The following STK33 variants were observed in gnomAD, a reference collection of about 807,000 sequenced individuals.
STK33 encodes serine/threonine kinase 33, also known as serine/threonine-protein kinase 33.
Under a neutral mutation model 58.0 loss-of-function variants are expected in STK33, and 52 were observed. The observed-to-expected ratio is 0.90, with a 90% confidence interval of 0.72 to 1.13. STK33 has a LOEUF of 1.13. Among genes scored for constraint, STK33 ranks in the 50% most tolerant of loss-of-function variants. The pLI, the probability that STK33 is intolerant of heterozygous loss-of-function variation, is 0.00. For missense variants in STK33, 630 were observed against 604.2 expected (o/e 1.04, Z -0.45); for synonymous variants, 215 against 200.1 (o/e 1.07, Z -0.63).
chr11:8,367,304 G>C, the STK33 span, among the ~76,000 whole-genome samples: 1 of 152,244 alleles, frequency 6.6e-6, no homozygotes, highest in African/African-American at 2.4e-5. Flanking sequence ...TATCCATGCA[G>C]ATTGTGAGTG....
At chr11:8,443,304 T>C (rs1222239001) in intron 11 of STK33, among the ~76,000 whole-genome samples, 1 of 152,142 alleles carries the variant, frequency 6.6e-6, no homozygotes, top group Non-Finnish European at 1.5e-5. Flanking sequence ...CAGGTATACA[T>C]ACATATTTTT....
chr11:8,446,802 T>C (rs544544759), intron 11 of STK33, among the ~76,000 whole-genome samples: 2 of 152,244 alleles, frequency 1.3e-5, no homozygotes, highest in Non-Finnish European at 2.9e-5. Flanking sequence ...CCTTACACCT[T>C]ATACAAAAAT....
At chr11:8,553,219 ATATATG>A (rs1956478052) in intron 1 of STK33, among the ~76,000 whole-genome samples, 7 of 108,820 alleles carry the variant, frequency 6.4e-5, no homozygotes, top group East Asian at 2.7e-4. Context: ...ATATATATAT[ATATATG>A]GTGTGTATAT....
At chr11:8,570,966 C>CTT (rs1957769520) in intron 1 of STK33, among the ~76,000 whole-genome samples, 1 of 152,130 alleles carries the variant, frequency 6.6e-6, no homozygotes, top group Non-Finnish European at 1.5e-5. Flanking sequence ...ACCCTTCTGC[C>CTT]ATAAACTGCT....
chr11:8,458,755 A>G (rs1947174808), intron 8 of STK33, among the ~76,000 whole-genome samples: 2 of 152,222 alleles, frequency 1.3e-5, no homozygotes, highest in Admixed American at 1.3e-4. Flanking sequence ...ACATATTTCT[A>G]TTCAAACACA....
intron 11 of STK33, among the ~76,000 whole-genome samples, chr11:8,450,435 T>C (rs1253913547): frequency 1.3e-5 from 2 of 152,018 alleles, no homozygotes; most frequent in Non-Finnish European, 2.9e-5. Flanking sequence ...AGGGATAGCA[T>C]TAGGAGAAAT....
chr11:8,481,823 G>C (rs796303995), intron 1 of STK33, among the ~76,000 whole-genome samples: 2 of 152,088 alleles, frequency 1.3e-5, no homozygotes, highest in Non-Finnish European at 2.9e-5. Context: ...ATTTATTTTG[G>C]TGATGGACCA....
intron 1 of STK33, among the ~76,000 whole-genome samples, chr11:8,576,231 G>C (rs1958174408): frequency 6.6e-6 from 1 of 152,180 alleles, no homozygotes; most frequent in African/African-American, 2.4e-5. Flanking sequence ...CTGCACCCAT[G>C]TCTGGGAAAT....
At chr11:8,445,811 T>G (rs1945373990) in intron 11 of STK33, among the ~76,000 whole-genome samples, 1 of 152,244 alleles carries the variant, frequency 6.6e-6, no homozygotes, top group Non-Finnish European at 1.5e-5. Flanking sequence ...TTCACATCGC[T>G]GTTCATCAGG....
chr11:8,497,770 C>G (rs1230404789), intron 1 of STK33, among the ~76,000 whole-genome samples: 3 of 152,066 alleles, frequency 2.0e-5, no homozygotes, highest in Non-Finnish European at 2.9e-5. Context: ...CCAATATATT[C>G]AAAGTTCTGA....
intron 11 of STK33, among the ~76,000 whole-genome samples, chr11:8,443,868 C>T (rs1945074732): frequency 6.6e-6 from 1 of 152,074 alleles, no homozygotes; most frequent in Non-Finnish European, 1.5e-5. Flanking sequence ...GGAATGATGG[C>T]ACATGCCTGT....
At chr11:8,551,409 C>T (rs1343541540) in intron 1 of STK33, among the ~76,000 whole-genome samples, 1 of 152,170 alleles carries the variant, frequency 6.6e-6, no homozygotes, top group Non-Finnish European at 1.5e-5. Context: ...GGATTACAGG[C>T]ATGAGCCACC....
chr11:8,467,899 C>T (rs564547197), intron 6 of STK33, among the ~76,000 whole-genome samples: 9 of 151,964 alleles, frequency 5.9e-5, no homozygotes, highest in South Asian at 2.1e-4. Context: ...GAGCTGAGAT[C>T]GCACCACTGC....
At chr11:8,477,782 T>G (rs1465685311) in intron 2 of STK33, among the ~76,000 whole-genome samples, 1 of 152,206 alleles carries the variant, frequency 6.6e-6, no homozygotes, top group Admixed American at 6.5e-5. Context: ...TGTCACAGAC[T>G]TCTGAGTACT....
the STK33 span, among the ~76,000 whole-genome samples, chr11:8,364,937 C>G: frequency 9.2e-5 from 14 of 151,708 alleles, no homozygotes; most frequent in Admixed American, 1.3e-4. Flanking sequence ...TGACCCCCCC[C>G]GCCCCGCCCA....
chr11:8,414,757 C>T (rs747661365), intron 14 of STK33, among the ~76,000 whole-genome samples: 1 of 152,138 alleles, frequency 6.6e-6, no homozygotes, highest in Non-Finnish European at 1.5e-5. Context: ...ACTCCTACCA[C>T]GTTCATAACA....
chr11:8,507,872 CTTTGT>C (rs1264466411), intron 1 of STK33, among the ~76,000 whole-genome samples: 3 of 152,074 alleles, frequency 2.0e-5, no homozygotes, highest in Admixed American at 1.3e-4. Flanking sequence ...CTTGTTTTTA[CTTTGT>C]TTTGTTTTGT....
intron 15 of STK33, among the ~76,000 whole-genome samples, chr11:8,411,131 A>G (rs1175204338): frequency 6.6e-6 from 1 of 152,256 alleles, no homozygotes; most frequent in Non-Finnish European, 1.5e-5. Flanking sequence ...AAGTCTATCC[A>G]GTAAAGCTGA....
intron 6 of STK33, chr11:8,465,659 G>T (rs1268157341): frequency 1.3e-5 from 2 of 152,230 alleles, no homozygotes; most frequent in Admixed American, 1.3e-4. Context: ...ACATGGGAGA[G>T]CAGCTGAACT....
Sources: allele counts gnomAD v4.1 joint callset (sites outside exome capture counted in the v4.1 genomes callset), GRCh38; gene constraint gnomAD v4.1.1; transcripts MANE v1.5; gene names NCBI Gene and HGNC (gene_info 2026-07-23, HGNC 2026-07-21).